SLIT2: variants seen among roughly 807,000 people sequenced by gnomAD.
SLIT2 encodes slit guidance ligand 2, also known as slit homolog 2 protein.
SLIT2 carries 41 observed loss-of-function variants against 185.7 expected under a neutral mutation model. That is an observed-to-expected ratio of 0.22 (90% CI 0.17 to 0.29). SLIT2 has a LOEUF of 0.29. Ranked by LOEUF, SLIT2 falls within the 10% of genes least tolerant of loss-of-function variation. SLIT2 has a pLI of 1.00. For synonymous variants in SLIT2, 693 were observed against 680.2 expected, an observed-to-expected ratio of 1.02 and a Z score of -0.29; for missense variants, 1,571 against 1,909.0, an observed-to-expected ratio of 0.82 and a Z score of 3.30.
chr4:20,259,157 G>A (rs1712176186), intron 3 of SLIT2, among the ~76,000 whole-genome samples: 1 of 151,388 alleles, frequency 6.6e-6, no homozygotes, highest in South Asian at 2.1e-4. Context: ...AATTTTAGAG[G>A]GAAATTAAAA....
At chr4:20,569,867 A>G (rs895073409) in intron 29 of SLIT2, among the ~76,000 whole-genome samples, 1 of 152,112 alleles carries the variant, frequency 6.6e-6, no homozygotes, top group African/African-American at 2.4e-5. Flanking sequence ...AATTTAATAC[A>G]TAGCGAGAAA....
rs1460079409 is a variant in SLIT2 at position 20,617,725 on chromosome 4, G to C, written c.4348+75G>C. On this transcript the variant is annotated intron_variant, in intron 36 of 36. Transcript: ENST00000504154. ...TCCCATGTCTTTGAAAAGAGAGGGA[G>C]AAAAAGTGAAAAAAAAAAAAAAAAC... 7 of 400,080 alleles carry C rather than the reference G, an allele frequency of 1.7e-5. No individual in the cohort carries two copies. In the East Asian group the frequency reaches 1.8e-4, roughly 10 times the overall value. 24.8% of individuals were successfully genotyped at this position (400,080 alleles called of 1,614,324 possible). A position where few individuals can be genotyped will look rare whatever the true frequency, so the allele number is the denominator to read the frequency against.
intron 15 of SLIT2, among the ~76,000 whole-genome samples, chr4:20,527,923 C>T (rs1721442619): frequency 6.6e-6 from 1 of 151,782 alleles, no homozygotes; most frequent in Admixed American, 6.6e-5. Context: ...TCCTGATGTA[C>T]CTTCTTCTAG....
rs546673643 is a variant in SLIT2, at chr4:20,332,646, C to T, written c.395+63765C>T. On this transcript the variant is annotated intron_variant, in intron 4 of 36. Coordinates refer to ENST00000504154, the MANE Select transcript of SLIT2 (RefSeq NM_004787.4). The stretch of plus-strand genomic sequence containing the variant: ...CCAATGTTGCGCCACTGCATTCCAG[C>T]CTGGGCAACAAAGTGAGACTCCTTC... Among the ~76,000 whole-genome samples, 4 of 152,016 alleles carry T rather than the reference C, an allele frequency of 2.6e-5. No homozygotes were observed. In the South Asian group the frequency reaches 8.3e-4, roughly 32 times the overall value.
chr4:20,441,743 A>T (rs761265403), intron 4 of SLIT2, among the ~76,000 whole-genome samples: 21 of 152,166 alleles, frequency 1.4e-4, no homozygotes, highest in Admixed American at 1.0e-3. Flanking sequence ...CTACCTGCAC[A>T]CAAGTCAGAC....
At chr4:20,577,171 C>T (rs1726146176) in intron 29 of SLIT2, among the ~76,000 whole-genome samples, 1 of 152,088 alleles carries the variant, frequency 6.6e-6, no homozygotes, top group South Asian at 2.1e-4. Context: ...ACATAACCAT[C>T]ACTTCTCACA....
chr4:20,295,320 A>G (rs1716350469), intron 4 of SLIT2, among the ~76,000 whole-genome samples: 1 of 152,358 alleles, frequency 6.6e-6, no homozygotes, highest in South Asian at 2.1e-4. Flanking sequence ...TTTCTGATAC[A>G]CTGTGAGTAC....
At chr4:20,382,440 A>C (rs1438746360) in intron 4 of SLIT2, among the ~76,000 whole-genome samples, 1 of 152,162 alleles carries the variant, frequency 6.6e-6, no homozygotes, top group Non-Finnish European at 1.5e-5. Flanking sequence ...GGAATTACCC[A>C]AAATCTACTC....
intron 22 of SLIT2, among the ~76,000 whole-genome samples, chr4:20,548,149 C>T (rs1263333359): frequency 6.6e-6 from 1 of 151,998 alleles, no homozygotes; most frequent in Admixed American, 6.6e-5. Context: ...TGTAAAATAT[C>T]AAAAGCCTTA....
At chr4:20,309,362 C>G (rs996608196) in intron 4 of SLIT2, among the ~76,000 whole-genome samples, 5 of 151,976 alleles carry the variant, frequency 3.3e-5, no homozygotes, top group African/African-American at 1.2e-4. Context: ...GCAGTGAAAC[C>G]TCTTTCTGCT....
intron 17 of SLIT2, among the ~76,000 whole-genome samples, chr4:20,533,228 A>G (rs1721960897): frequency 6.6e-6 from 1 of 152,216 alleles, no homozygotes; most frequent in Non-Finnish European, 1.5e-5. Context: ...ACATTTGACA[A>G]TTTTAATCAG....
intron 4 of SLIT2, among the ~76,000 whole-genome samples, chr4:20,431,402 A>T (rs1036381497): frequency 3.3e-5 from 5 of 151,698 alleles, no homozygotes; most frequent in Non-Finnish European, 2.9e-5. Context: ...TTTTATTTTT[A>T]TTTTTTTTAA....
At chr4:20,508,275 A>G (rs1361457441) in intron 9 of SLIT2, among the ~76,000 whole-genome samples, 3 of 152,010 alleles carry the variant, frequency 2.0e-5, no homozygotes, top group Non-Finnish European at 1.5e-5. Context: ...TTGGGTATGT[A>G]GGAAAAGGCA....
intron 4 of SLIT2, among the ~76,000 whole-genome samples, chr4:20,309,472 A>G (rs558042618): frequency 6.6e-6 from 1 of 151,800 alleles, no homozygotes; most frequent in African/African-American, 2.4e-5. Flanking sequence ...TTAACTTACA[A>G]CTTTTTATTA....
At chr4:20,393,865 C>T (rs929971217) in intron 4 of SLIT2, among the ~76,000 whole-genome samples, 19 of 152,010 alleles carry the variant, frequency 1.2e-4, no homozygotes, top group African/African-American at 4.3e-4. Flanking sequence ...TTGTGAGCCA[C>T]GTGCATTAAC....
intron 4 of SLIT2, among the ~76,000 whole-genome samples, chr4:20,407,773 G>A (rs891316264): frequency 1.3e-5 from 2 of 152,194 alleles, no homozygotes; most frequent in Non-Finnish European, 2.9e-5. Flanking sequence ...TCTGGATGTG[G>A]AAGTAGCTAG....
intron 4 of SLIT2, among the ~76,000 whole-genome samples, chr4:20,439,043 C>T (rs1272530536): frequency 6.6e-6 from 1 of 152,176 alleles, no homozygotes; most frequent in Non-Finnish European, 1.5e-5. Flanking sequence ...CAAGTCTTAA[C>T]AGCTATTTCC....
At chr4:20,283,784 A>T (rs1177887015) in intron 4 of SLIT2, among the ~76,000 whole-genome samples, 1 of 152,162 alleles carries the variant, frequency 6.6e-6, no homozygotes, top group Non-Finnish European at 1.5e-5. Context: ...ATTTACTTCA[A>T]ATTATACCCA....
intron 11 of SLIT2, among the ~76,000 whole-genome samples, chr4:20,514,537 C>T (rs1036226481): frequency 6.6e-5 from 10 of 151,968 alleles, no homozygotes; most frequent in Non-Finnish European, 1.2e-4. Context: ...CCCAGCTACT[C>T]GGAGAGTTGA....
Sources: gnomAD v4.1 joint callset for allele counts (sites outside exome capture counted in the v4.1 genomes callset) on GRCh38, gnomAD v4.1.1 for gene constraint, MANE v1.5 for transcripts, NCBI Gene and HGNC (gene_info 2026-07-23, HGNC 2026-07-21) for gene names.